The following PAX5 variants were observed in gnomAD, a reference collection of about 807,000 sequenced individuals.
PAX5 encodes the protein paired box protein Pax-5.
In PAX5, 9 loss-of-function variants were observed where a neutral mutation model predicts 43.7. The observed-to-expected ratio is 0.21, with a 90% CI of 0.12 to 0.36. The LOEUF is 0.36. Ranked by LOEUF, PAX5 falls within the 10% of genes least tolerant of loss-of-function variation. PAX5 has a pLI of 1.00. For synonymous variants in PAX5, 228 were observed against 214.3 expected (o/e 1.06, Z -0.56); for missense variants, 383 against 532.7 (o/e 0.72, Z 2.77).
intron 7 of PAX5, among the ~76,000 whole-genome samples, chr9:36,894,213 A>G (rs936095440): frequency 2.0e-5 from 3 of 152,110 alleles, no homozygotes; most frequent in Non-Finnish European, 1.5e-5. Flanking sequence ...CGGCCACCCC[A>G]TGTTCTCCTG....
intron 8 of PAX5, 32 bp from the exon 9 acceptor site, chr9:36,846,961 A>G (rs1822653052): frequency 1.3e-6 from 2 of 1,502,312 alleles, no homozygotes; most frequent in African/African-American, 2.8e-5. Flanking sequence ...AGAAACAGGA[A>G]CCAAACGTCA....
At chr9:36,872,242 A>G (rs1825558777) in intron 8 of PAX5, among the ~76,000 whole-genome samples, 2 of 152,156 alleles carry the variant, frequency 1.3e-5, no homozygotes, top group Admixed American at 1.3e-4. Flanking sequence ...ACCAGATTAT[A>G]CATGACAGCC....
intron 1 of PAX5, among the ~76,000 whole-genome samples, chr9:37,031,921 G>A (rs1841023173): frequency 6.6e-6 from 1 of 152,222 alleles, no homozygotes; most frequent in Non-Finnish European, 1.5e-5. Flanking sequence ...TTGGGAGAAG[G>A]AAGAAGCTCT....
chr9:36,888,169 G>C (rs1827062222), intron 7 of PAX5, among the ~76,000 whole-genome samples: 1 of 152,182 alleles, frequency 6.6e-6, no homozygotes, highest in South Asian at 2.1e-4. Flanking sequence ...CTCAAACACT[G>C]CTGGTAGGAA....
chr9:37,014,160 A>G (rs1441570340), intron 3 of PAX5, among the ~76,000 whole-genome samples: 7 of 152,198 alleles, frequency 4.6e-5, no homozygotes, highest in African/African-American at 7.2e-5. Flanking sequence ...TTGAAATTTC[A>G]TCATCTACAA....
At chr9:36,936,854 A>ATG (rs1349821178) in intron 6 of PAX5, among the ~76,000 whole-genome samples, 3 of 146,936 alleles carry the variant, frequency 2.0e-5, no homozygotes, top group African/African-American at 5.1e-5. Flanking sequence ...ACACATGCAC[A>ATG]CACACACACA....
chr9:36,926,597 G>A (rs1440359243), intron 6 of PAX5, among the ~76,000 whole-genome samples: 1 of 152,220 alleles, frequency 6.6e-6, no homozygotes, highest in Non-Finnish European at 1.5e-5. Flanking sequence ...CTCACTGGAA[G>A]CAACTCCTTC....
chr9:36,840,230 T>TGATG lies in PAX5; in HGVS notation c.*326_*329dup. 1 of 496,638 alleles carries TGATG rather than the reference T, an allele frequency of 2.0e-6. No homozygotes were observed. The highest frequency in any genetic ancestry group is 3.6e-6 in the Non-Finnish European group (1 of 276,850). 30.8% of individuals were successfully genotyped at this position (496,638 alleles called of 1,614,324 possible). ...TCTCCTTCCCAGGCTGGGGTGGTTA[T>TGATG]GATGGATGGATAGTCAGACAGCTGG... On this transcript the variant is annotated 3_prime_UTR_variant, in exon 10 of 10. Transcript: ENST00000358127.
chr9:36,970,682 T>C (rs1424622246), intron 5 of PAX5, among the ~76,000 whole-genome samples: 1 of 152,112 alleles, frequency 6.6e-6, no homozygotes, highest in Non-Finnish European at 1.5e-5. Context: ...CCGCAGGTGA[T>C]TCACTGTGCC....
chr9:36,843,821 G>A (rs1327842125), intron 9 of PAX5, among the ~76,000 whole-genome samples: 1 of 152,214 alleles, frequency 6.6e-6, no homozygotes, highest in Non-Finnish European at 1.5e-5. Flanking sequence ...GGGTGGCAAA[G>A]GCATCCAGCT....
At chr9:36,841,160 C>A (rs1477915425) in intron 9 of PAX5, among the ~76,000 whole-genome samples, 1 of 152,240 alleles carries the variant, frequency 6.6e-6, no homozygotes, top group East Asian at 1.9e-4. Context: ...ATTCATTTCC[C>A]TCAGGGAAGG....
chr9:36,918,948 T>G (rs1331627833), intron 7 of PAX5, among the ~76,000 whole-genome samples: 1 of 152,204 alleles, frequency 6.6e-6, no homozygotes. Flanking sequence ...ATTTTCAATA[T>G]AGACCACTCT....
intron 5 of PAX5, among the ~76,000 whole-genome samples, chr9:36,969,274 T>C (rs1834721926): frequency 6.6e-6 from 1 of 152,166 alleles, no homozygotes; most frequent in African/African-American, 2.4e-5. Flanking sequence ...GGCTGCTCCA[T>C]CAGATCCCCT....
intron 1 of PAX5, chr9:37,026,757 G>A (rs1282872793): frequency 1.0e-6 from 1 of 980,854 alleles, no homozygotes; most frequent in African/African-American, 1.7e-5. Context: ...GGAGCTGCGC[G>A]GAGAGGCGGG....
At chr9:36,899,710 C>G (rs1205946715) in intron 7 of PAX5, among the ~76,000 whole-genome samples, 1 of 152,154 alleles carries the variant, frequency 6.6e-6, no homozygotes, top group East Asian at 1.9e-4. Flanking sequence ...TCATTCTTCT[C>G]CCTTACTTTT....
At chr9:36,866,792 C>T (rs573273858) in intron 8 of PAX5, among the ~76,000 whole-genome samples, 42 of 152,222 alleles carry the variant, frequency 2.8e-4, no homozygotes, top group African/African-American at 9.4e-4. Context: ...GGGTTGATTT[C>T]TAAGGTTGAG....
At chr9:36,890,712 C>A (rs370096595) in intron 7 of PAX5, among the ~76,000 whole-genome samples, 2 of 152,120 alleles carry the variant, frequency 1.3e-5, no homozygotes, top group African/African-American at 4.8e-5. Flanking sequence ...AGTGCCTGCT[C>A]GCTGTGGCCT....
chr9:36,938,779 T>C (rs1417909825), intron 6 of PAX5, among the ~76,000 whole-genome samples: 1 of 152,204 alleles, frequency 6.6e-6, no homozygotes, highest in Non-Finnish European at 1.5e-5. Flanking sequence ...TCCGACATGG[T>C]TGGGAGAGTT....
chr9:37,024,573 G>GA (rs2132522921), intron 1 of PAX5, among the ~76,000 whole-genome samples: 1 of 152,326 alleles, frequency 6.6e-6, no homozygotes, highest in South Asian at 2.1e-4. Context: ...TTGGGCCTCA[G>GA]AACCGAGAGT....
Sources: allele counts gnomAD v4.1 joint callset (sites outside exome capture counted in the v4.1 genomes callset), GRCh38; gene constraint gnomAD v4.1.1; transcripts MANE v1.5; gene names NCBI Gene and HGNC (gene_info 2026-07-23, HGNC 2026-07-21).